SELENBP1: variants seen among roughly 807,000 people sequenced by gnomAD.
SELENBP1 encodes selenium binding protein 1.
A neutral mutation model predicts 61.0 loss-of-function variants in SELENBP1; 71 were observed. The observed-to-expected ratio is 1.16, with a 90% CI of 0.96 to 1.42. The LOEUF is 1.42. Among genes scored for constraint, SELENBP1 ranks in the 40% most tolerant of loss-of-function variants. The pLI is 0.00. For missense variants in SELENBP1, 561 were observed against 605.0 expected, an observed-to-expected ratio of 0.93 and a Z score of 0.76; for synonymous variants, 270 against 238.9, an observed-to-expected ratio of 1.13 and a Z score of -1.20.
chr1:151,368,087 C>T (rs754769895), intron 5 of SELENBP1, 112 bp downstream of exon 5: 31 of 1,411,244 alleles, frequency 2.2e-5, no homozygotes, highest in Non-Finnish European at 2.8e-5. Flanking sequence ...CACTGGTTCT[C>T]CTTGGGAAGT....
Position 151,365,267 on chromosome 1 carries a change from G to C in SELENBP1, c.1059C>G (p.Gly353=), listed in dbSNP as rs781261891. Reference sequence around the variant, plus strand: ...GCACAGGGCCTCCCTTAACAATGCTGCCTCCGAGGAAGAGCTAGATGGGGA... The same window carrying C: ...GCACAGGGCCTCCCTTAACAATGCTCCCTCCGAGGAAGAGCTAGATGGGGA... The part of the protein sequence containing the change: ...PRLTGQLFLG[G]SIVKGGPVQV... Residue 353 remains glycine (G), a synonymous_variant, in exon 10 of 12, where the codon GGC becomes GGG. Transcript: ENST00000368868. The C allele has an allele frequency of 3.1e-6, 5 of 1,612,488 alleles. No homozygotes were observed. The highest frequency in any genetic ancestry group is 4.2e-6 in the Non-Finnish European group (5 of 1,179,288).
At chr1:151,366,582 A>G (rs1651833086) in intron 6 of SELENBP1, 129 bp from the exon 7 acceptor site, 5 of 1,398,386 alleles carry the variant, frequency 3.6e-6, no homozygotes, top group Non-Finnish European at 4.9e-6. Context: ...CGCTTGAGCA[A>G]TCTGAGCATG....
chr1:151,366,529 T>C (rs1571281037), intron 6 of SELENBP1, 76 bp from the exon 7 acceptor site: 1 of 1,530,750 alleles, frequency 6.5e-7, no homozygotes, highest in East Asian at 2.3e-5. Flanking sequence ...GGGCCACCAA[T>C]CAGGGCAGAA....
At position 151,364,489 on chromosome 1, in the gene SELENBP1, G is replaced by T; in HGVS notation, c.*54C>A. ...CCAAGAGAGAGCAGAATGAAGCCAG[G>T]TCCCCAAGGAAGTGAGGGCCCAAAA... On this transcript the variant is annotated 3_prime_UTR_variant, in exon 12 of 12. Transcript: ENST00000368868. 3.7e-6 allele frequency: 6 copies of T among 1,608,992 alleles called. No homozygotes were observed. Among genetic ancestry groups the T allele is most frequent in the Non-Finnish European group, 4.2e-6 (5 of 1,176,668 alleles).
chr1:151,367,625 C>T (rs533886795), intron 5 of SELENBP1, among the ~76,000 whole-genome samples: 7 of 152,294 alleles, frequency 4.6e-5, no homozygotes, highest in Non-Finnish European at 1.0e-4. Context: ...CTCCATTCTG[C>T]TCACTACATT....
At position 151,366,377 on chromosome 1, in the gene SELENBP1, C is replaced by A. The variant is rs1651819508; in HGVS notation, c.741G>T (p.Gly247=). The A allele has an allele frequency of 1.9e-6, 3 of 1,613,998 alleles. No individual in the cohort carries two copies. Among genetic ancestry groups the A allele is most frequent in the Admixed American group, 3.3e-5 (2 of 60,006 alleles). The change falls in exon 7 of 12, where the codon GGG becomes GGT. Residue 247 remains glycine, a synonymous_variant. Coordinates refer to ENST00000368868, the MANE Select transcript of SELENBP1 (RefSeq NM_003944.4). ...EIVQTLSLKD[G]LIPLEIRFLH... is the part of the protein sequence containing the mutation. ...GGAAGCGGATCTCCAAGGGAATAAG[C>A]CCATCTTTTAGAGACAGGGTCTGCA...
chr1:151,366,457 G>C lies in SELENBP1; in HGVS notation c.665-4C>G, dbSNP rs375056751. 12 of 1,609,944 alleles carry C rather than the reference G, an allele frequency of 7.5e-6. No homozygotes were observed. In the East Asian group the frequency reaches 2.5e-4, roughly 33 times the overall value. On this transcript the variant is annotated splice_region_variant and splice_polypyrimidine_tract_variant and intron_variant, in intron 6 of 11. Coordinates refer to ENST00000368868, the MANE Select transcript of SELENBP1 (RefSeq NM_003944.4). ...TATAAGTGGCTCCCGTACAGTCCTG[G>C]GGTGGGAGTGGGGCCGGAGGATAGG...
intron 6 of SELENBP1, 122 bp from the exon 7 acceptor site, chr1:151,366,575 T>C: frequency 1.4e-6 from 2 of 1,411,494 alleles, no homozygotes; most frequent in Non-Finnish European, 2.0e-6. Context: ...AGGAAGACGC[T>C]TGAGCAATCT....
At chr1:151,369,882 T>A (rs1571286508) in intron 1 of SELENBP1, 113 bp from the exon 2 acceptor site, 1 of 1,550,430 alleles carries the variant, frequency 6.4e-7, no homozygotes, top group East Asian at 2.4e-5. Context: ...CTGGCCTAGG[T>A]CCCCACTCCA....
rs370107730 is a variant in SELENBP1 at position 151,365,755 on chromosome 1, C to T, written c.922+13G>A. On this transcript the variant is annotated intron_variant, in intron 8 of 11. Coordinates refer to ENST00000368868, the MANE Select transcript of SELENBP1 (RefSeq NM_003944.4). The stretch of plus-strand genomic sequence containing the variant: ...AGGCCAAGAATCAACTTTCCTATGC[C>T]CTAGGCACTCACCTGGCATTTCGGG... The T allele has an allele frequency of 6.2e-7, 1 of 1,613,944 alleles. No homozygotes were observed. The highest frequency in any genetic ancestry group is 1.3e-5 in the African/African-American group (1 of 74,904).
intron 5 of SELENBP1, chr1:151,367,266 C>T (rs995311820): frequency 9.8e-5 from 17 of 173,898 alleles, no homozygotes; most frequent in Non-Finnish European, 1.3e-4. Context: ...ATCTCTTGAA[C>T]CAGTGAGGCG....
At position 151,364,409 on chromosome 1, in the gene SELENBP1, C is replaced by G. The variant is rs959481910; in HGVS notation, c.*134G>C. ...TGGTCAGTAAATGTATATGACTCAA[C>G]ACATTGCCACAGTCTCAGCTTGGCT... is the stretch of plus-strand genomic sequence containing the variant. On this transcript the variant is annotated 3_prime_UTR_variant, in exon 12 of 12. Transcript: ENST00000368868. The G allele has an allele frequency of 2.8e-6, 3 of 1,057,526 alleles. No individual in the cohort carries two copies. The African/African-American group carries it at 4.7e-5, about 17-fold the overall frequency. 65.5% of individuals were successfully genotyped at this position (1,057,526 alleles called of 1,614,324 possible).
At position 151,365,203 on chromosome 1, in the gene SELENBP1, G is replaced by T. The variant is rs745676961; in HGVS notation, c.1123C>A (p.Pro375Thr). 1.9e-6 allele frequency: 3 copies of T among 1,613,802 alleles called. No homozygotes were observed. The highest frequency in any genetic ancestry group is 2.5e-6 in the Non-Finnish European group (3 of 1,179,840). Residue 375 changes from proline to threonine, a missense_variant, in exon 10 of 12, where the codon CCC becomes ACC. By Grantham distance (38) the Pro-to-Thr change is conservative. Transcript: ENST00000368868. ...GAGGCTCTTACCTTGACCACTAGGG[G>T]CTCTGGCTGGGACTTTAGTTCCTCG... ...EDEELKSQPE[P>T]LVVKGKRVAG...
chr1:151,365,090 A>C, intron 10 of SELENBP1, 46 bp from the exon 11 acceptor site: 3 of 1,587,276 alleles, frequency 1.9e-6, no homozygotes, highest in Non-Finnish European at 2.6e-6. Flanking sequence ...CACAGATCCT[A>C]GGCACCACCC....
Position 151,369,386 on chromosome 1 carries a change from C to G in SELENBP1, c.174+56G>C, listed in dbSNP as rs777625395. On this transcript the variant is annotated intron_variant, in intron 3 of 11. Transcript: ENST00000368868. Reference sequence around the variant, plus strand: ...GGAGCTGGGAAGGGGGGGCCCAGGGCCAGGGATGAGGGCAGCTATGGTCTC... The same window carrying G: ...GGAGCTGGGAAGGGGGGGCCCAGGGGCAGGGATGAGGGCAGCTATGGTCTC... The G allele has an allele frequency of 1.4e-5, 22 of 1,529,468 alleles. No individual in the cohort carries two copies. In the East Asian group the frequency reaches 5.1e-4, roughly 35 times the overall value. The allele number at this position is 1,529,468 out of a possible 1,614,324, so 94.7% of individuals were successfully genotyped here.
intron 3 of SELENBP1, 68 bp downstream of exon 3, chr1:151,369,374 G>T (rs1186580754): frequency 4.7e-6 from 7 of 1,484,922 alleles, no homozygotes; most frequent in African/African-American, 1.4e-5. Context: ...GCTGGGAAGG[G>T]GGGGCCCAGG....
At chr1:151,365,501 C>A (rs1309724952) in intron 9 of SELENBP1, 62 bp downstream of exon 9, 1 of 1,608,450 alleles carries the variant, frequency 6.2e-7, no homozygotes, top group South Asian at 1.1e-5. Flanking sequence ...ATCATCCACC[C>A]CATCCCCAGC....
At chr1:151,368,786 G>T (rs1175352252) in intron 4 of SELENBP1, among the ~76,000 whole-genome samples, 1 of 152,226 alleles carries the variant, frequency 6.6e-6, no homozygotes. Context: ...AAGAAGCCTT[G>T]TCCCTCTTCT....
intron 3 of SELENBP1, 38 bp downstream of exon 3, chr1:151,369,404 A>G: frequency 6.4e-7 from 1 of 1,566,592 alleles, no homozygotes; most frequent in Non-Finnish European, 8.7e-7. Flanking sequence ...GAGGGCAGCT[A>G]TGGTCTCAAA....
Sources: gnomAD v4.1 joint callset for allele counts (sites outside exome capture counted in the v4.1 genomes callset) on GRCh38, gnomAD v4.1.1 for gene constraint, MANE v1.5 for transcripts, NCBI Gene and HGNC (gene_info 2026-07-23, HGNC 2026-07-21) for gene names.